Variants in RIOK3 observed in about 807,000 individuals in gnomAD.
RIOK3 encodes RIO kinase 3, also known as serine/threonine-protein kinase RIO3.
In RIOK3, 40 loss-of-function variants were observed where a neutral mutation model predicts 63.5. The observed-to-expected ratio is 0.63, with a 90% CI of 0.49 to 0.82. RIOK3 has a LOEUF of 0.82. Ranked by LOEUF, RIOK3 falls within the 40% of genes least tolerant of loss-of-function variation. RIOK3 has a pLI of 0.00. For synonymous variants in RIOK3, 193 were observed against 205.0 expected (o/e 0.94, Z 0.50); for missense variants, 557 against 637.0 (o/e 0.87, Z 1.35).
chr18:23,469,421 T>C (rs1598810941), intron 7 of RIOK3, among the ~76,000 whole-genome samples: 1 of 123,934 alleles, frequency 8.1e-6, no homozygotes, highest in South Asian at 3.2e-4. Flanking sequence ...CCTCTCTCTC[T>C]CTCTCTCTCC....
At chr18:23,465,325 C>T (rs2057399493) in intron 5 of RIOK3, among the ~76,000 whole-genome samples, 1 of 151,964 alleles carries the variant, frequency 6.6e-6, no homozygotes. Context: ...GAGCCGAGAT[C>T]GTGCCACTTC....
intron 6 of RIOK3, among the ~76,000 whole-genome samples, chr18:23,466,991 G>T (rs1203250508): frequency 1.3e-4 from 20 of 151,470 alleles, no homozygotes; most frequent in Non-Finnish European, 4.4e-5. Flanking sequence ...AACAGAGTGA[G>T]ACCCTGTCTC....
chr18:23,460,748 G>A (rs2057368402), intron 1 of RIOK3, among the ~76,000 whole-genome samples: 2 of 152,168 alleles, frequency 1.3e-5, no homozygotes, highest in African/African-American at 4.8e-5. Context: ...TCTACCTAGA[G>A]GATACAGAAG....
chr18:23,475,700 A>G (rs970712185), intron 9 of RIOK3, among the ~76,000 whole-genome samples: 19 of 152,176 alleles, frequency 1.2e-4, no homozygotes, highest in Admixed American at 1.3e-4. Context: ...AACAAAGACA[A>G]GTTGAAGTTT....
Position 23,481,275 on chromosome 18 carries a change from A to C in RIOK3, c.1556A>C (p.Glu519Ala), listed in dbSNP as rs1567902294. Residue 519 changes from glutamate (E) to alanine (A), a missense_variant, in exon 13 of 13, where the codon GAA becomes GCA. Coordinates refer to ENST00000339486, the MANE Select transcript of RIOK3 (RefSeq NM_003831.5). ...DDGDPPLLYDE is the reference protein window; with the variant it reads ...DDGDPPLLYDA The stretch of plus-strand genomic sequence containing the variant: ...GGAGACCCACCACTACTATATGATG[A>C]ATAGCACTAATACCCACTGCTTCAG... 1 of 1,560,042 alleles carries C rather than the reference A, an allele frequency of 6.4e-7. No individual in the cohort carries two copies. Among genetic ancestry groups the C allele is most frequent in the Non-Finnish European group, 8.8e-7 (1 of 1,136,964 alleles).
rs115219695 is a variant in RIOK3, at chr18:23,461,825, C to T, written c.64-1139C>T. Among the ~76,000 whole-genome samples the T allele has an allele frequency of 3.2e-3, 492 of 152,132 alleles. 2 individuals carry two copies. The highest frequency in any genetic ancestry group is 0.011 in the African/African-American group (471 of 41,512). ...AATTTTGGGGCTAGGCTTGGTGGCT[C>T]ACACCTGTAATCCCAGCACTTTGGG... is the stretch of plus-strand genomic sequence containing the variant. On this transcript the variant is annotated intron_variant, in intron 1 of 12. Coordinates refer to ENST00000339486, the MANE Select transcript of RIOK3 (RefSeq NM_003831.5).
chr18:23,474,342 CGTT>C (rs2057475450), intron 8 of RIOK3, among the ~76,000 whole-genome samples: 1 of 151,816 alleles, frequency 6.6e-6, no homozygotes, highest in Non-Finnish European at 1.5e-5. Flanking sequence ...AGCCTGGAAA[CGTT>C]AGACTCCCAA....
chr18:23,455,274 C>T (rs4800483), intron 1 of RIOK3, among the ~76,000 whole-genome samples: 23,837 of 151,782 alleles, frequency 0.16, 3,003 homozygotes, highest in East Asian at 0.34. Context: ...GGGATTTCAC[C>T]GTATTGGCCA....
chr18:23,477,185 T>A lies in RIOK3; in HGVS notation c.1261T>A (p.Leu421Met). 6.2e-7 allele frequency: 1 copy of A among 1,614,066 alleles called. No homozygotes were observed. The highest frequency in any genetic ancestry group is 1.1e-5 in the South Asian group (1 of 91,076). ...NMLWHAGKVW[L>M]IDVSQSVEPT... ...ATGTTCTGTATTGAAATAGGTCTGG[T>A]TGATCGATGTCAGTCAGTCAGTAGA... The change falls in exon 11 of 13, where the codon TTG becomes ATG. Residue 421 changes from leucine to methionine, a missense_variant. Leu to Met is a conservative substitution (Grantham distance 15, BLOSUM62 2). Transcript: ENST00000339486.
At chr18:23,477,620 G>A (rs971285550) in intron 11 of RIOK3, among the ~76,000 whole-genome samples, 6 of 151,382 alleles carry the variant, frequency 4.0e-5, no homozygotes, top group Admixed American at 6.6e-5. Context: ...AAAATTAGCC[G>A]GGCATGGTGG....
intron 7 of RIOK3, among the ~76,000 whole-genome samples, chr18:23,467,762 G>A (rs1415535721): frequency 6.9e-6 from 1 of 144,626 alleles, no homozygotes; most frequent in African/African-American, 2.7e-5. Context: ...TTTTCAATGC[G>A]TATATTATTA....
chr18:23,464,825 A>G (rs1443380075), intron 5 of RIOK3, among the ~76,000 whole-genome samples, 197 bp downstream of exon 5: 2 of 152,246 alleles, frequency 1.3e-5, no homozygotes, highest in East Asian at 3.8e-4. Flanking sequence ...AAATTCCATA[A>G]CAGTGTTGAA....
chr18:23,457,002 C>T (rs1252082837), intron 1 of RIOK3, among the ~76,000 whole-genome samples: 1 of 152,182 alleles, frequency 6.6e-6, no homozygotes, highest in Non-Finnish European at 1.5e-5. Flanking sequence ...GAATACCAAG[C>T]ACACATTCCA....
At position 23,466,213 on chromosome 18, in the gene RIOK3, A is replaced by G. The variant is rs2057406274; in HGVS notation, c.624A>G (p.Gln208=). The part of the protein sequence containing the change: ...LSNHVFNALK[Q]HAYSEERRSA... ...ACCATGTTTTCAATGCTTTAAAACA[A>G]CATGCCTACTCAGAAGAACGTCGAA... The change falls in exon 6 of 13, where the codon CAA becomes CAG. Residue 208 remains glutamine (Q), a synonymous_variant. Transcript: ENST00000339486. 2 of 1,612,734 alleles carry G rather than the reference A, an allele frequency of 1.2e-6. No homozygotes were observed. Among genetic ancestry groups the G allele is most frequent in the Non-Finnish European group, 1.7e-6 (2 of 1,179,238 alleles).
chr18:23,480,555 G>GCGCACACACACACACACA (rs779698307), intron 12 of RIOK3, among the ~76,000 whole-genome samples: 57 of 142,088 alleles, frequency 4.0e-4, no homozygotes, highest in African/African-American at 1.4e-3. Flanking sequence ...TTGGATGCAC[G>GCGCACACACACACACACA]CACACACACA....
intron 9 of RIOK3, 71 bp from the exon 10 acceptor site, chr18:23,476,934 CT>C: frequency 7.6e-7 from 1 of 1,311,166 alleles, no homozygotes; most frequent in Non-Finnish European, 1.1e-6. Flanking sequence ...AAATAAAAAA[CT>C]TTCAGGGGTG....
Position 23,473,628 on chromosome 18 carries a change from TAAAGA to T in RIOK3, c.1013+6_1013+10del, listed in dbSNP as rs1250278035. The T allele has an allele frequency of 8.7e-6, 14 of 1,607,728 alleles. No homozygotes were observed. Among genetic ancestry groups the T allele is most frequent in the Non-Finnish European group, 1.2e-5 (14 of 1,175,300 alleles). ...AAAAGAAATGCACAATCTCGCAAGGTAAAGAAAATATTGTGCTAGACGTAATCTTG... is the reference window on the plus strand; with the variant it reads ...AAAAGAAATGCACAATCTCGCAAGGTAAATATTGTGCTAGACGTAATCTTG... On this transcript the variant is annotated splice_donor_5th_base_variant and intron_variant, in intron 8 of 12. Coordinates refer to ENST00000339486, the MANE Select transcript of RIOK3 (RefSeq NM_003831.5).
Position 23,479,373 on chromosome 18 carries a change from T to C in RIOK3, c.1401T>C (p.Ala467=), listed in dbSNP as rs1427291619. The C allele has an allele frequency of 3.1e-6, 5 of 1,614,014 alleles. No homozygotes were observed. Among genetic ancestry groups the C allele is most frequent in the South Asian group, 1.1e-5 (1 of 91,084 alleles). The change falls in exon 12 of 13, where the codon GCT becomes GCC. Residue 467 remains alanine (A), a synonymous_variant. Transcript: ENST00000339486. ...TTAGTGAACGAGAACTCTTCAATGC[T>C]GTTTCAGGCTTAAACATCACAGCAG... ...EALSERELFN[A]VSGLNITADN...
intron 2 of RIOK3, among the ~76,000 whole-genome samples, 171 bp from the exon 3 acceptor site, chr18:23,463,796 G>C (rs1263614680): frequency 6.6e-6 from 1 of 152,168 alleles, no homozygotes; most frequent in African/African-American, 2.4e-5. Context: ...ACTCCCACAG[G>C]TGCATGCCAT....
Sources: gnomAD v4.1 joint callset for allele counts (sites outside exome capture counted in the v4.1 genomes callset) on GRCh38, gnomAD v4.1.1 for gene constraint, MANE v1.5 for transcripts, NCBI Gene and HGNC (gene_info 2026-07-23, HGNC 2026-07-21) for gene names.